The following GALNT2 variants were observed in gnomAD, a reference collection of about 807,000 sequenced individuals.
GALNT2 encodes UDP-GalNAc:polypeptide N-acetylgalactosaminyltransferase 2.
GALNT2 carries 31 observed loss-of-function variants against 81.4 expected under a neutral mutation model. The observed-to-expected ratio is 0.38, with a 90% CI of 0.29 to 0.51. GALNT2 has a LOEUF of 0.51. Ranked by LOEUF, GALNT2 falls within the 20% of genes least tolerant of loss-of-function variation. The probability of loss-of-function intolerance (pLI) is 0.87; values close to 1 mark genes in which losing one functional copy is unlikely to be tolerated. For missense variants in GALNT2, 629 were observed against 765.7 expected, an observed-to-expected ratio of 0.82 and a Z score of 2.11; for synonymous variants, 303 against 287.4, an observed-to-expected ratio of 1.05 and a Z score of -0.55.
chr1:230,236,595 T>C, intron 5 of GALNT2, 65 bp from the exon 6 acceptor site: 4 of 1,514,262 alleles, frequency 2.6e-6, no homozygotes, highest in Non-Finnish European at 3.6e-6. Flanking sequence ...GAGAATACTA[T>C]GGTTGAATGC....
intron 1 of GALNT2, among the ~76,000 whole-genome samples, chr1:230,141,344 G>C (rs1368671027): frequency 6.6e-6 from 1 of 152,104 alleles, no homozygotes; most frequent in Non-Finnish European, 1.5e-5. Flanking sequence ...CATAAAATTT[G>C]CTGTCTTAAC....
intron 2 of GALNT2, among the ~76,000 whole-genome samples, chr1:230,200,342 C>T (rs534962754): frequency 3.9e-5 from 6 of 152,256 alleles, no homozygotes; most frequent in African/African-American, 7.2e-5. Flanking sequence ...GGATTACAGG[C>T]GTGAGCCAGT....
At chr1:230,249,047 CCTT>C (rs557244932) in intron 8 of GALNT2, 134 bp from the exon 9 acceptor site, 178 of 809,414 alleles carry the variant, frequency 2.2e-4, no homozygotes, top group East Asian at 3.4e-4. Context: ...CTCCTCCACA[CCTT>C]CTTTTTTGGC....
Position 230,274,458 on chromosome 1 carries a change from C to A in GALNT2, c.1454C>A (p.Thr485Lys). 6.2e-7 allele frequency: 1 copy of A among 1,613,446 alleles called. No homozygotes were observed. The highest frequency in any genetic ancestry group is 8.5e-7 in the Non-Finnish European group (1 of 1,179,654). ...NAGGNQEWALTKEKSVKHMDL... is the reference protein window; with the variant it reads ...NAGGNQEWALKKEKSVKHMDL... Reference sequence around the variant, plus strand: ...TTTGTGTTCCAGGAATGGGCCTTGACGAAGGAGAAGTCGGTGAAGCACATG... The same window carrying A: ...TTTGTGTTCCAGGAATGGGCCTTGAAGAAGGAGAAGTCGGTGAAGCACATG... The change falls in exon 15 of 16, where the codon ACG (threonine) becomes AAG (lysine). Residue 485 changes from threonine to lysine, a missense_variant. Thr to Lys is a moderately conservative substitution (Grantham distance 78, BLOSUM62 -1). Transcript: ENST00000366672.
chr1:230,152,676 A>G (rs1367622658), intron 1 of GALNT2, among the ~76,000 whole-genome samples: 3 of 152,204 alleles, frequency 2.0e-5, no homozygotes, highest in Non-Finnish European at 4.4e-5. Context: ...AAATAAGAAG[A>G]AGCTATGAGA....
intron 8 of GALNT2, among the ~76,000 whole-genome samples, 167 bp downstream of exon 8, chr1:230,246,317 GA>G (rs913785262): frequency 1.3e-5 from 2 of 151,120 alleles, no homozygotes; most frequent in South Asian, 2.1e-4. Flanking sequence ...TTCATAAAGA[GA>G]AAAAAAAATA....
At chr1:230,194,256 G>A (rs2102699361) in intron 2 of GALNT2, among the ~76,000 whole-genome samples, 1 of 152,342 alleles carries the variant, frequency 6.6e-6, no homozygotes, top group Non-Finnish European at 1.5e-5. Context: ...TGGGCCTGAA[G>A]TCTGTGTAAC....
At chr1:230,110,725 T>C (rs1312947180) in intron 1 of GALNT2, among the ~76,000 whole-genome samples, 1 of 151,638 alleles carries the variant, frequency 6.6e-6, no homozygotes, top group Non-Finnish European at 1.5e-5. Context: ...TTTTTTTTTT[T>C]TTTGTCTTCA....
chr1:230,220,488 C>G (rs1664514100), intron 3 of GALNT2, among the ~76,000 whole-genome samples: 1 of 151,974 alleles, frequency 6.6e-6, no homozygotes, highest in South Asian at 2.1e-4. Flanking sequence ...GCTTGATATC[C>G]TGCAGGGCCT....
intron 3 of GALNT2, among the ~76,000 whole-genome samples, chr1:230,220,862 T>C (rs550518370): frequency 2.6e-5 from 4 of 152,312 alleles, no homozygotes; most frequent in African/African-American, 9.6e-5. Flanking sequence ...AATCTCTGAA[T>C]TGGTCTGTGT....
rs967179689 is a variant in GALNT2 at position 230,255,336 on chromosome 1, C to T, written c.1128C>T (p.Val376=). The change falls in exon 11 of 16, where the codon GTC becomes GTT. Residue 376 remains valine (V), a synonymous_variant. Transcript: ENST00000366672. ...PYTFPGGSGT[V]FARNTRRAAE... Reference sequence around the variant, plus strand: ...CGTTCCCGGGTGGCAGTGGCACTGTCTTTGCCCGGTAAGTAGTGAAAGGCT... The same window carrying T: ...CGTTCCCGGGTGGCAGTGGCACTGTTTTTGCCCGGTAAGTAGTGAAAGGCT... The T allele has an allele frequency of 3.1e-6, 5 of 1,614,252 alleles. No homozygotes were observed. Among genetic ancestry groups the T allele is most frequent in the Middle Eastern group, 3.3e-4 (2 of 6,062 alleles).
intron 2 of GALNT2, among the ~76,000 whole-genome samples, chr1:230,187,973 A>G (rs1663391188): frequency 6.6e-6 from 1 of 152,038 alleles, no homozygotes; most frequent in Admixed American, 6.5e-5. Context: ...GTGGTTTTGG[A>G]AAAGGCAACA....
At chr1:230,081,392 C>G (rs747340639) in intron 1 of GALNT2, among the ~76,000 whole-genome samples, 1 of 151,998 alleles carries the variant, frequency 6.6e-6, no homozygotes, top group Non-Finnish European at 1.5e-5. Flanking sequence ...AAAATTATAC[C>G]GAGATATGGT....
intron 1 of GALNT2, among the ~76,000 whole-genome samples, chr1:230,177,629 T>C (rs1035478276): frequency 2.0e-5 from 3 of 152,252 alleles, no homozygotes; most frequent in Admixed American, 6.5e-5. Context: ...TGTTTTCACA[T>C]TGAGTCCTTA....
At chr1:230,222,229 T>C (rs529645951) in intron 3 of GALNT2, among the ~76,000 whole-genome samples, 1 of 152,034 alleles carries the variant, frequency 6.6e-6, no homozygotes, top group East Asian at 1.9e-4. Context: ...GGTTTCACCA[T>C]GTTAGCCAGA....
chr1:230,190,308 G>A (rs1373207771), intron 2 of GALNT2, among the ~76,000 whole-genome samples: 2 of 152,226 alleles, frequency 1.3e-5, no homozygotes, highest in Non-Finnish European at 2.9e-5. Flanking sequence ...CCAGGTGGGT[G>A]TGCTGCCCCC....
chr1:230,097,245 T>C (rs1285171373), intron 1 of GALNT2, among the ~76,000 whole-genome samples: 12 of 152,218 alleles, frequency 7.9e-5, no homozygotes, highest in Admixed American at 1.3e-4. Flanking sequence ...TCCTTATTTT[T>C]TTCATGATCT....
chr1:230,270,585 TCCAGCTCACAAA>T (rs928930997), intron 14 of GALNT2, among the ~76,000 whole-genome samples: 43 of 152,354 alleles, frequency 2.8e-4, no homozygotes, highest in African/African-American at 1.0e-3. Flanking sequence ...GCTCAGATAT[TCCAGCTCACAAA>T]CCCACTGTGC....
chr1:230,212,942 T>C (rs966090925), intron 3 of GALNT2, among the ~76,000 whole-genome samples: 3 of 152,162 alleles, frequency 2.0e-5, no homozygotes, highest in African/African-American at 7.2e-5. Context: ...ACTGTAGAGA[T>C]TTCGTTTGTG....
Sources: allele counts gnomAD v4.1 joint callset (sites outside exome capture counted in the v4.1 genomes callset), GRCh38; gene constraint gnomAD v4.1.1; transcripts MANE v1.5; gene names NCBI Gene and HGNC (gene_info 2026-07-23, HGNC 2026-07-21).